The following KDM4A variants were observed in gnomAD, a reference collection of about 807,000 sequenced individuals.
KDM4A encodes the protein lysine-specific demethylase 4A.
KDM4A carries 23 observed loss-of-function variants against 127.1 expected under a neutral mutation model. That is an observed-to-expected ratio of 0.18 (90% CI 0.13 to 0.26). The LOEUF is 0.26. Among genes scored for constraint, KDM4A ranks in the 10% least tolerant of loss-of-function variants. KDM4A has a pLI of 1.00. For missense variants in KDM4A, 890 were observed against 1,329.1 expected, an observed-to-expected ratio of 0.67 and a Z score of 5.14; for synonymous variants, 443 against 466.5, an observed-to-expected ratio of 0.95 and a Z score of 0.65.
chr1:43,689,016 C>T lies in KDM4A; in HGVS notation c.1958C>T (p.Ala653Val), dbSNP rs745917269. The T allele has an allele frequency of 6.8e-6, 11 of 1,614,226 alleles. No individual in the cohort carries two copies. In the Admixed American group the frequency reaches 1.7e-4, roughly 24 times the overall value. The change falls in exon 13 of 22, where the codon GCT becomes GTT. Residue 653 changes from alanine (A) to valine (V), a missense_variant. Ala to Val is a moderately conservative substitution (Grantham distance 64). Coordinates refer to ENST00000372396, the MANE Select transcript of KDM4A (RefSeq NM_014663.3). ...CAGAACCGACCTCCAAACTTTGAGGCTGAGAAGGAATTCAATGAGACCATG... is the reference window on the plus strand; with the variant it reads ...CAGAACCGACCTCCAAACTTTGAGGTTGAGAAGGAATTCAATGAGACCATG... ...LWQNRPPNFEAEKEFNETMAQ... is the reference protein window; with the variant it reads ...LWQNRPPNFEVEKEFNETMAQ...
chr1:43,677,591 T>C (rs1019142262), intron 11 of KDM4A, among the ~76,000 whole-genome samples: 2 of 152,144 alleles, frequency 1.3e-5, no homozygotes, highest in Admixed American at 1.3e-4. Flanking sequence ...CCTCTCCCCC[T>C]TTTTTCCTCA....
chr1:43,654,550 G>A (rs1660192320), intron 2 of KDM4A, among the ~76,000 whole-genome samples: 1 of 144,760 alleles, frequency 6.9e-6, no homozygotes, highest in South Asian at 2.2e-4. Context: ...TTCTCATGTC[G>A]ACTGTCTTGT....
Position 43,671,675 on chromosome 1 carries a change from C to T in KDM4A, c.1534C>T (p.Leu512=). The T allele has an allele frequency of 6.2e-7, 1 of 1,613,198 alleles. No homozygotes were observed. Among genetic ancestry groups the T allele is most frequent in the Non-Finnish European group, 8.5e-7 (1 of 1,179,618 alleles). ...SGSKKKSSSS[L]GSGSSRDSIS... is the part of the protein sequence containing the mutation. Reference sequence around the variant, plus strand: ...CTCCAAAAAGAAATCATCTTCTAGCCTGGGCTCTGGCTCTTCACGGGATTC... The same window carrying T: ...CTCCAAAAAGAAATCATCTTCTAGCTTGGGCTCTGGCTCTTCACGGGATTC... The change falls in exon 11 of 22, where the codon CTG becomes TTG. Residue 512 remains leucine (L), a synonymous_variant. Transcript: ENST00000372396.
intron 4 of KDM4A, among the ~76,000 whole-genome samples, chr1:43,662,234 TTTTGTGGTCATAG>T (rs374696037): frequency 0.042 from 6,320 of 152,106 alleles, 433 homozygotes; most frequent in African/African-American, 0.14. Flanking sequence ...CGATTTTTTT[TTTTGTGGTCATAG>T]AGTTTTTTTT....
chr1:43,666,639 A>G, intron 7 of KDM4A, 84 bp downstream of exon 7: 1 of 1,105,350 alleles, frequency 9.0e-7, no homozygotes, highest in East Asian at 2.4e-5. Flanking sequence ...TCATCACTAT[A>G]CCAAGAGGGG....
intron 9 of KDM4A, 62 bp from the exon 10 acceptor site, chr1:43,669,038 A>G (rs575531351): frequency 2.6e-6 from 4 of 1,554,106 alleles, no homozygotes; most frequent in Non-Finnish European, 3.5e-6. Flanking sequence ...GATGTGTATG[A>G]ATGTGTTTGA....
chr1:43,660,539 C>T (rs1391064335), intron 4 of KDM4A, 127 bp downstream of exon 4: 3 of 1,330,422 alleles, frequency 2.3e-6, no homozygotes, highest in East Asian at 2.5e-5. Flanking sequence ...TGATCTACCC[C>T]CAGCTGATGT....
rs1661169771 is a variant in KDM4A, at chr1:43,693,458, T to G, written c.2376-536T>G. Among the ~76,000 whole-genome samples the G allele has an allele frequency of 6.6e-6, 1 of 152,204 alleles. No individual in the cohort carries two copies. The highest frequency in any genetic ancestry group is 2.4e-5 in the African/African-American group (1 of 41,456). On this transcript the variant is annotated intron_variant, in intron 16 of 21. Coordinates refer to ENST00000372396, the MANE Select transcript of KDM4A (RefSeq NM_014663.3). This position sits in a 1 kb window ranked among gnomAD's most constrained non-coding sequence, Gnocchi z 4.2. ...TAAGGATGTCCGTTGAATAGACCTC[T>G]CAGAGTAAGTGGGGCTTGGGTCAGA...
chr1:43,698,969 T>C lies in KDM4A; in HGVS notation c.2841+956T>C, dbSNP rs114136329. Among the ~76,000 whole-genome samples the C allele has an allele frequency of 5.7e-3, 869 of 152,220 alleles. 8 individuals are homozygous for C. The highest frequency in any genetic ancestry group is 0.02 in the African/African-American group (835 of 41,536). On this transcript the variant is annotated intron_variant, in intron 19 of 21. Coordinates refer to ENST00000372396, the MANE Select transcript of KDM4A (RefSeq NM_014663.3). ...ACAGCCGGCTAATTTTTTAATTTTTTGTAGAGACGGGCTTTTGCCATGTTG... is the reference window on the plus strand; with the variant it reads ...ACAGCCGGCTAATTTTTTAATTTTTCGTAGAGACGGGCTTTTGCCATGTTG...
At chr1:43,696,712 A>G (rs1297556675) in intron 18 of KDM4A, among the ~76,000 whole-genome samples, 1 of 152,218 alleles carries the variant, frequency 6.6e-6, no homozygotes, top group African/African-American at 2.4e-5. Flanking sequence ...GAGTTTTTTC[A>G]TACACAGAAT....
intron 18 of KDM4A, among the ~76,000 whole-genome samples, chr1:43,695,478 A>G (rs1006839640): frequency 4.6e-5 from 7 of 152,198 alleles, no homozygotes; most frequent in Non-Finnish European, 1.5e-5. Context: ...GTCGCAGAAG[A>G]AGGATCATGA....
At chr1:43,691,624 CAG>C in intron 15 of KDM4A, 52 bp downstream of exon 15, 1 of 1,470,644 alleles carries the variant, frequency 6.8e-7, no homozygotes, top group African/African-American at 1.4e-5. Context: ...GGTGCATATT[CAG>C]GGCCAGACGA....
chr1:43,685,810 A>C (rs151289649), intron 12 of KDM4A, among the ~76,000 whole-genome samples: 70 of 152,064 alleles, frequency 4.6e-4, no homozygotes, highest in African/African-American at 1.5e-3. Flanking sequence ...AGGGTGGGGA[A>C]TATCCCTTCT....
Position 43,671,632 on chromosome 1 carries a change from A to T in KDM4A, c.1491A>T (p.Gly497=). ...CTGTGAATCCTGCGTCTGTAGGGGGACGCCTTGTCTTCTCAGGCTCCAAAA... is the reference window on the plus strand; with the variant it reads ...CTGTGAATCCTGCGTCTGTAGGGGGTCGCCTTGTCTTCTCAGGCTCCAAAA... The part of the protein sequence containing the change: ...DLSVNPASVG[G]RLVFSGSKKK... The change falls in exon 11 of 22, where the codon GGA becomes GGT. Residue 497 remains glycine, a synonymous_variant. Coordinates refer to ENST00000372396, the MANE Select transcript of KDM4A (RefSeq NM_014663.3). The T allele has an allele frequency of 6.2e-7, 1 of 1,613,454 alleles. No individual in the cohort carries two copies. Among genetic ancestry groups the T allele is most frequent in the Non-Finnish European group, 8.5e-7 (1 of 1,179,728 alleles).
At chr1:43,665,655 C>T (rs1171228473) in intron 5 of KDM4A, 41 bp from the exon 6 acceptor site, 4 of 1,603,580 alleles carry the variant, frequency 2.5e-6, no homozygotes, top group Non-Finnish European at 3.4e-6. Context: ...GCTTCTGTAC[C>T]TGCCCTCCAC....
Position 43,667,932 on chromosome 1 carries a change from T to A in KDM4A, c.1076T>A (p.Leu359Gln). 6.2e-7 allele frequency: 1 copy of A among 1,614,096 alleles called. No homozygotes were observed. Among genetic ancestry groups the A allele is most frequent in the Non-Finnish European group, 8.5e-7 (1 of 1,180,002 alleles). ...GCTGAGTTTCTTAAGGAGAGTGAACTGCCTCCAAGAGCTGGCAACGAGGAG... is the reference window on the plus strand; with the variant it reads ...GCTGAGTTTCTTAAGGAGAGTGAACAGCCTCCAAGAGCTGGCAACGAGGAG... ...EAAEFLKESELPPRAGNEEEC... is the reference protein window; with the variant it reads ...EAAEFLKESEQPPRAGNEEEC... Residue 359 changes from leucine to glutamine, a missense_variant, in exon 9 of 22, where the codon CTG (leucine) becomes CAG (glutamine). This residue lies in a region of KDM4A where 389 missense variants were observed against 485.9 expected (regional missense o/e 0.80). Transcript: ENST00000372396.
intron 7 of KDM4A, 109 bp from the exon 8 acceptor site, chr1:43,666,845 T>G: frequency 1.8e-6 from 2 of 1,099,642 alleles, no homozygotes; most frequent in Non-Finnish European, 2.7e-6. Context: ...ACCCCAGGGG[T>G]TTTATGACTT....
intron 12 of KDM4A, among the ~76,000 whole-genome samples, chr1:43,684,784 C>T (rs550432030): frequency 5.9e-5 from 9 of 152,146 alleles, no homozygotes; most frequent in Non-Finnish European, 8.8e-5. Flanking sequence ...TAGAAAAGAT[C>T]GCTCCTAGTG....
chr1:43,686,596 C>CA (rs904071265), intron 12 of KDM4A, among the ~76,000 whole-genome samples: 23 of 152,184 alleles, frequency 1.5e-4, no homozygotes, highest in Non-Finnish European at 2.8e-4. Flanking sequence ...TTCAGCCTCC[C>CA]AAAGTGCTGG....
Sources: allele counts gnomAD v4.1 joint callset (sites outside exome capture counted in the v4.1 genomes callset), GRCh38; gene constraint gnomAD v4.1.1; regional missense constraint gnomAD v4.1.1; non-coding constraint Gnocchi (gnomAD v3.1); transcripts MANE v1.5; gene names NCBI Gene and HGNC (gene_info 2026-07-23, HGNC 2026-07-21).